WDR49: variants seen among roughly 807,000 people sequenced by gnomAD.
WDR49 encodes the protein WD repeat domain 49.
WDR49 carries 107 observed loss-of-function variants against 119.5 expected under a neutral mutation model. That is an observed-to-expected ratio of 0.90 (90% confidence interval 0.77 to 1.05). WDR49 has a LOEUF of 1.05. Ranked by LOEUF, WDR49 falls within the 50% of genes least tolerant of loss-of-function variation. The pLI, the probability that WDR49 is intolerant of heterozygous loss-of-function variation, is 0.00. For missense variants in WDR49, 1,240 were observed against 1,220.5 expected (o/e 1.02, Z -0.24); for synonymous variants, 425 against 418.8 (o/e 1.01, Z -0.18).
chr3:167,511,220 G>A (rs1436320360), intron 16 of WDR49, among the ~76,000 whole-genome samples: 1 of 151,858 alleles, frequency 6.6e-6, no homozygotes, highest in Non-Finnish European at 1.5e-5. Flanking sequence ...TTTTTTATTA[G>A]TTTAATTCCT....
At chr3:167,519,851 G>A (rs1195009200) in intron 16 of WDR49, among the ~76,000 whole-genome samples, 1 of 151,896 alleles carries the variant, frequency 6.6e-6, no homozygotes, top group Non-Finnish European at 1.5e-5. Context: ...AAGTTTCCAG[G>A]AACAATAGAA....
chr3:167,569,786 G>C (rs1033585589), intron 8 of WDR49, among the ~76,000 whole-genome samples: 4 of 152,122 alleles, frequency 2.6e-5, no homozygotes, highest in African/African-American at 9.7e-5. Context: ...ACTTGTTTAA[G>C]AGTAGAATAG....
At chr3:167,575,313 T>A in intron 8 of WDR49, 1 of 986,252 alleles carries the variant, frequency 1.0e-6, no homozygotes, top group Non-Finnish European at 1.2e-6. Context: ...GTAACTCTGC[T>A]CCAGGGGAGC....
At chr3:167,499,237 A>G (rs1264323565) in intron 18 of WDR49, among the ~76,000 whole-genome samples, 1 of 152,198 alleles carries the variant, frequency 6.6e-6, no homozygotes, top group African/African-American at 2.4e-5. Context: ...TAAGAGACAA[A>G]GCAAAGAGGA....
chr3:167,611,679 A>T (rs1302488052), intron 5 of WDR49, among the ~76,000 whole-genome samples: 1 of 152,178 alleles, frequency 6.6e-6, no homozygotes, highest in Non-Finnish European at 1.5e-5. Flanking sequence ...AAAGAGTAGG[A>T]GTCACTATAC....
At chr3:167,491,579 C>T (rs535026277) in intron 18 of WDR49, among the ~76,000 whole-genome samples, 1 of 152,200 alleles carries the variant, frequency 6.6e-6, no homozygotes, top group East Asian at 1.9e-4. Flanking sequence ...TTAATTGTTT[C>T]GTACATTTTG....
intron 18 of WDR49, among the ~76,000 whole-genome samples, chr3:167,497,658 C>T (rs1462326418): frequency 1.3e-5 from 2 of 152,126 alleles, no homozygotes; most frequent in Admixed American, 6.6e-5. Context: ...GTCTCTTTTG[C>T]TTCTTTCCTC....
intron 8 of WDR49, among the ~76,000 whole-genome samples, chr3:167,573,985 G>T (rs1390854148): frequency 6.6e-6 from 1 of 152,154 alleles, no homozygotes; most frequent in South Asian, 2.1e-4. Context: ...AGCTTTCAGG[G>T]CTCTGCTGAA....
At chr3:167,623,679 AT>A in intron 3 of WDR49, among the ~76,000 whole-genome samples, 1 of 152,002 alleles carries the variant, frequency 6.6e-6, no homozygotes, top group East Asian at 1.9e-4. Flanking sequence ...TCTATTTAAT[AT>A]GGTATGGAAT....
At chr3:167,514,868 A>G (rs1241394438) in intron 16 of WDR49, among the ~76,000 whole-genome samples, 1 of 152,160 alleles carries the variant, frequency 6.6e-6, no homozygotes, top group Non-Finnish European at 1.5e-5. Flanking sequence ...TGTGCAAATA[A>G]ACTAAGAAAT....
chr3:167,603,854 GA>G (rs1039746557), intron 6 of WDR49, among the ~76,000 whole-genome samples: 14 of 151,980 alleles, frequency 9.2e-5, no homozygotes, highest in Non-Finnish European at 1.5e-5. Context: ...AAAGGTAATT[GA>G]AAAACAGTCT....
At chr3:167,650,874 T>C (rs1219574013) in intron 2 of WDR49, among the ~76,000 whole-genome samples, 1 of 152,150 alleles carries the variant, frequency 6.6e-6, no homozygotes, top group African/African-American at 2.4e-5. Context: ...GTTATCCTCA[T>C]GTTAGAAATA....
chr3:167,508,436 T>G lies in WDR49; in HGVS notation c.2775-3020A>C, dbSNP rs545022825. Among the ~76,000 whole-genome samples, 14 of 152,288 alleles carry G rather than the reference T, an allele frequency of 9.2e-5. No individual in the cohort carries two copies. The East Asian group carries it at 2.3e-3, about 25-fold the overall frequency. ...AGTTGTGAAATGGGGATGACAATAG[T>G]AGCTATCTTCTAGGATTACAGTGAG... On this transcript the variant is annotated intron_variant, in intron 16 of 18. Transcript: ENST00000682715.
intron 7 of WDR49, among the ~76,000 whole-genome samples, chr3:167,587,159 T>C (rs558546360): frequency 1.3e-5 from 2 of 152,192 alleles, no homozygotes; most frequent in East Asian, 3.9e-4. Context: ...AACACAAAAA[T>C]AAATTCAACA....
At chr3:167,484,324 A>C (rs1750841140) in intron 18 of WDR49, among the ~76,000 whole-genome samples, 1 of 152,134 alleles carries the variant, frequency 6.6e-6, no homozygotes, top group Non-Finnish European at 1.5e-5. Context: ...GAGGGATAGC[A>C]TTAAGAGATA....
intron 8 of WDR49, among the ~76,000 whole-genome samples, chr3:167,564,972 T>C (rs1713509297): frequency 6.6e-6 from 1 of 152,158 alleles, no homozygotes. Flanking sequence ...GTTGAGATAC[T>C]TGATTCCATT....
intron 10 of WDR49, among the ~76,000 whole-genome samples, chr3:167,545,581 G>T (rs1712138225): frequency 6.8e-6 from 1 of 147,074 alleles, no homozygotes. Flanking sequence ...TGGAGTTAGA[G>T]ACCATTATTC....
At chr3:167,616,010 T>C (rs950477645) in intron 5 of WDR49, among the ~76,000 whole-genome samples, 2 of 152,244 alleles carry the variant, frequency 1.3e-5, no homozygotes, top group Non-Finnish European at 2.9e-5. Flanking sequence ...GAAGTGATTA[T>C]TTAAAAATCT....
chr3:167,601,169 T>C (rs1715750254), intron 7 of WDR49, among the ~76,000 whole-genome samples: 1 of 152,094 alleles, frequency 6.6e-6, no homozygotes, highest in Non-Finnish European at 1.5e-5. Flanking sequence ...GATAAACATT[T>C]TGATGGTAAA....
Sources: gnomAD v4.1 joint callset for allele counts (sites outside exome capture counted in the v4.1 genomes callset) on GRCh38, gnomAD v4.1.1 for gene constraint, MANE v1.5 for transcripts, NCBI Gene and HGNC (gene_info 2026-07-23, HGNC 2026-07-21) for gene names.